CATSPERE: variants seen among roughly 807,000 people sequenced by gnomAD.
CATSPERE encodes the protein catsper channel auxiliary subunit epsilon.
In CATSPERE, 93 loss-of-function variants were observed where a neutral mutation model predicts 114.1. The ratio of observed to expected loss-of-function variants is 0.81; its 90% CI spans 0.69 to 0.97. The LOEUF (loss-of-function observed/expected upper bound fraction) is 0.97. Ranked by LOEUF, CATSPERE falls within the 50% of genes least tolerant of loss-of-function variation. The pLI, the probability that CATSPERE is intolerant of heterozygous loss-of-function variation, is 0.00. For missense variants in CATSPERE, 1,058 were observed against 1,131.6 expected, an observed-to-expected ratio of 0.93 and a Z score of 0.93; for synonymous variants, 341 against 384.1, an observed-to-expected ratio of 0.89 and a Z score of 1.31.
chr1:244,547,251 A>C (rs1659900028), intron 8 of CATSPERE, among the ~76,000 whole-genome samples: 1 of 34,418 alleles, frequency 2.9e-5, no homozygotes, highest in Admixed American at 5.3e-4. Context: ...TCCTTCAAAA[A>C]TGAAGATTTT....
upstream of CATSPERE, among the ~76,000 whole-genome samples, chr1:244,459,216 T>C (rs1666430677): frequency 6.6e-6 from 1 of 151,970 alleles, no homozygotes; most frequent in Non-Finnish European, 1.5e-5. Flanking sequence ...GTAGCTGGGA[T>C]TACAGGCATG....
intron 17 of CATSPERE, among the ~76,000 whole-genome samples, chr1:244,600,531 C>G (rs966284010): frequency 6.6e-6 from 1 of 152,076 alleles, no homozygotes. Flanking sequence ...GAACTTATAC[C>G]TAATAGGAAT....
chr1:244,546,684 G>C (rs1460657302), intron 8 of CATSPERE, among the ~76,000 whole-genome samples: 1 of 152,128 alleles, frequency 6.6e-6, no homozygotes, highest in Non-Finnish European at 1.5e-5. Flanking sequence ...TGAAAAATAA[G>C]TGAACAAAGT....
chr1:244,613,840 A>C (rs2819004), intron 19 of CATSPERE, among the ~76,000 whole-genome samples: 142,042 of 152,292 alleles, frequency 0.93, 67,073 homozygotes, highest in East Asian at 1. Flanking sequence ...GAGGGGGAGC[A>C]TTTAAGAGGT....
At chr1:244,469,143 G>A (rs553396130) in intron 2 of CATSPERE, among the ~76,000 whole-genome samples, 43 of 152,196 alleles carry the variant, frequency 2.8e-4, no homozygotes, top group African/African-American at 1.0e-3. Context: ...CATTGGGGAG[G>A]TTTATATGTA....
At chr1:244,549,920 C>G (rs1487010196) in intron 8 of CATSPERE, among the ~76,000 whole-genome samples, 1 of 152,176 alleles carries the variant, frequency 6.6e-6, no homozygotes, top group Admixed American at 6.5e-5. Flanking sequence ...GGGCATCACG[C>G]AGTCCACTGA....
intron 8 of CATSPERE, among the ~76,000 whole-genome samples, chr1:244,546,543 T>A (rs6671277): frequency 0.12 from 17,707 of 152,074 alleles, 1,632 homozygotes; most frequent in African/African-American, 0.26. Flanking sequence ...TCAACATAAC[T>A]GTTTTAAGGA....
chr1:244,464,267 A>G (rs1478097539), intron 2 of CATSPERE, among the ~76,000 whole-genome samples: 1 of 152,236 alleles, frequency 6.6e-6, no homozygotes, highest in Non-Finnish European at 1.5e-5. Flanking sequence ...TAATAATTAT[A>G]CAACAGGTAT....
Position 244,552,616 on chromosome 1 carries a change from C to G in CATSPERE, c.831C>G (p.Asp277Glu), listed in dbSNP as rs537004249. The G allele has an allele frequency of 2.5e-6, 4 of 1,614,076 alleles. No individual in the cohort carries two copies. The African/African-American group carries it at 5.3e-5, about 22-fold the overall frequency. ...KSWTRIRVPPDILSDDERRSV... is the reference protein window; with the variant it reads ...KSWTRIRVPPEILSDDERRSV... The stretch of plus-strand genomic sequence containing the variant: ...GGACCAGAATCAGAGTGCCTCCAGA[C>G]ATTCTGAGTGATGATGAAAGACGGA... Residue 277 changes from aspartate to glutamate, a missense_variant, in exon 9 of 22, where the codon GAC becomes GAG. Coordinates refer to ENST00000366534, the MANE Select transcript of CATSPERE (RefSeq NM_001130957.2).
At chr1:244,519,015 T>TAC (rs1358304026) in intron 8 of CATSPERE, among the ~76,000 whole-genome samples, 4 of 151,626 alleles carry the variant, frequency 2.6e-5, no homozygotes, top group Non-Finnish European at 4.4e-5. Context: ...CCAGTGCCCG[T>TAC]ACACACACAT....
At chr1:244,599,177 G>A (rs561040953) in intron 17 of CATSPERE, among the ~76,000 whole-genome samples, 1 of 152,222 alleles carries the variant, frequency 6.6e-6, no homozygotes, top group African/African-American at 2.4e-5. Flanking sequence ...TAACTGCAAG[G>A]TGGTGTATAA....
intron 19 of CATSPERE, among the ~76,000 whole-genome samples, chr1:244,613,163 A>G (rs1344463374): frequency 6.6e-6 from 1 of 152,184 alleles, no homozygotes; most frequent in African/African-American, 2.4e-5. Flanking sequence ...AGAATATACC[A>G]CATACTTTTC....
chr1:244,452,024 C>G (rs1192122445), upstream of CATSPERE: 8 of 449,870 alleles, frequency 1.8e-5, no homozygotes, highest in Non-Finnish European at 3.0e-5. Flanking sequence ...GACTGCCCCG[C>G]GCAGGCCGGC....
chr1:244,518,351 C>T (rs1458870294), intron 7 of CATSPERE, among the ~76,000 whole-genome samples: 1 of 152,110 alleles, frequency 6.6e-6, no homozygotes, highest in Non-Finnish European at 1.5e-5. Flanking sequence ...ATTCAGGATT[C>T]TGATTGTGTG....
In CATSPERE at chr1:244,614,171, C is replaced by CAGA. The variant is rs1329963235; in HGVS notation, c.2491-3356_2491-3354dup. Among the ~76,000 whole-genome samples, 20 of 152,136 alleles carry CAGA rather than the reference C, an allele frequency of 1.3e-4. 1 individual carries two copies. The highest frequency in any genetic ancestry group is 1.3e-3 in the Admixed American group (20 of 15,262). On this transcript the variant is annotated intron_variant, in intron 19 of 21. Transcript: ENST00000366534. ...ATTTCAGGTGTTCTGTTAAAAGCAA[C>CAGA]AGAAAACAAACTAACACACAGTGAA... is the stretch of plus-strand genomic sequence containing the variant.
At chr1:244,525,344 T>G (rs1572562402) in intron 8 of CATSPERE, among the ~76,000 whole-genome samples, 12 of 77,466 alleles carry the variant, frequency 1.5e-4, no homozygotes, top group African/African-American at 2.3e-4. Flanking sequence ...TCTTTTGGAG[T>G]GGGGGGAGGG....
At chr1:244,593,455 T>C (rs200010820) in intron 16 of CATSPERE, 27 bp downstream of exon 16, 1 of 1,613,746 alleles carries the variant, frequency 6.2e-7, no homozygotes, top group Non-Finnish European at 8.5e-7. Flanking sequence ...ATTCTGTCAA[T>C]GGACCAAATA....
intron 6 of CATSPERE, among the ~76,000 whole-genome samples, chr1:244,494,192 G>A (rs541085870): frequency 4.6e-5 from 7 of 151,918 alleles, no homozygotes; most frequent in South Asian, 2.1e-4. Flanking sequence ...GCAAAGACTC[G>A]GAACCAACCT....
chr1:244,480,980 A>G (rs1471820250), intron 5 of CATSPERE, among the ~76,000 whole-genome samples: 1 of 152,172 alleles, frequency 6.6e-6, no homozygotes, highest in South Asian at 2.1e-4. Flanking sequence ...TGGGGATAAC[A>G]AGTCCTGGTA....
Sources: allele counts gnomAD v4.1 joint callset (sites outside exome capture counted in the v4.1 genomes callset), GRCh38; gene constraint gnomAD v4.1.1; transcripts MANE v1.5; gene names NCBI Gene and HGNC (gene_info 2026-07-23, HGNC 2026-07-21).